DAPK2: variants seen among roughly 807,000 people sequenced by gnomAD.
DAPK2 encodes death associated protein kinase 2, also known as death-associated protein kinase 2.
Under a neutral mutation model 44.1 loss-of-function variants are expected in DAPK2, and 35 were observed. The ratio of observed to expected loss-of-function variants is 0.79; its 90% confidence interval spans 0.61 to 1.05. The LOEUF (loss-of-function observed/expected upper bound fraction) is 1.05, where lower values mean the gene tolerates loss of function less well. Ranked by LOEUF, DAPK2 falls within the 50% of genes least tolerant of loss-of-function variation. The probability of loss-of-function intolerance (pLI) is 0.00; values close to 1 mark genes in which losing one functional copy is unlikely to be tolerated. For missense variants in DAPK2, 453 were observed against 483.2 expected (o/e 0.94, Z 0.59); for synonymous variants, 174 against 182.6 (o/e 0.95, Z 0.38).
At position 64,046,299 on chromosome 15, in the gene DAPK2, G is replaced by C. The variant is rs2080461425; in HGVS notation, c.-8C>G. 1.0e-6 allele frequency: 1 copy of C among 982,622 alleles called. No homozygotes were observed. The highest frequency in any genetic ancestry group is 1.8e-5 in the African/African-American group (1 of 56,782). 60.9% of individuals were successfully genotyped at this position (982,622 alleles called of 1,614,324 possible). On this transcript the variant is annotated splice_region_variant and 5_prime_UTR_variant, in exon 1 of 12. Coordinates refer to the DAPK2 transcript ENST00000457488. The surrounding 1 kb of genome is among the most constrained non-coding windows in gnomAD (Gnocchi z 5.3). ...AGCCCGCAGACGGGTGCTACTCACG[G>C]CGGGAGGCTGAGCTGCCGCGGTCGC...
At chr15:63,929,761 G>A (rs1329984456) in intron 5 of DAPK2, 184 bp from the exon 7 acceptor site, 2 of 731,404 alleles carry the variant, frequency 2.7e-6, no homozygotes, top group Non-Finnish European at 4.8e-6. Flanking sequence ...TGTGTTTGGA[G>A]TCATCGAGCT....
rs1360364789 is a variant in DAPK2, at chr15:63,931,935, T to C, written c.584-1480A>G. Reference sequence around the variant, plus strand: ...ATCCCAGCACTTTGGGAGGCCAAGGTAGGTGGATCACTTGATGTCAAGAGT... The same window carrying C: ...ATCCCAGCACTTTGGGAGGCCAAGGCAGGTGGATCACTTGATGTCAAGAGT... On this transcript the variant is annotated intron_variant, in intron 4 of 10. Transcript: ENST00000261891. Among the ~76,000 whole-genome samples the C allele has an allele frequency of 2.6e-5, 4 of 151,790 alleles. No homozygotes were observed. The East Asian group carries it at 7.7e-4, about 29-fold the overall frequency.
chr15:64,003,808 G>A (rs536971826), intron 1 of DAPK2, among the ~76,000 whole-genome samples: 10 of 152,292 alleles, frequency 6.6e-5, no homozygotes, highest in Admixed American at 5.2e-4. Context: ...GTTTCACCAC[G>A]TTGGTCAGGC....
chr15:64,040,853 G>A (rs927641402), upstream of DAPK2, among the ~76,000 whole-genome samples: 2 of 142,662 alleles, frequency 1.4e-5, no homozygotes, highest in Non-Finnish European at 3.0e-5. Flanking sequence ...GGCAGAGGCT[G>A]CAGTGAACCA....
intron 1 of DAPK2, among the ~76,000 whole-genome samples, chr15:64,036,871 G>T (rs1408995703): frequency 2.6e-5 from 4 of 152,034 alleles, no homozygotes; most frequent in African/African-American, 9.7e-5. Flanking sequence ...GAGGCAGAAG[G>T]TGGGGCCTTG....
chr15:63,941,586 C>A (rs999565583), intron 3 of DAPK2, among the ~76,000 whole-genome samples: 2 of 152,164 alleles, frequency 1.3e-5, no homozygotes, highest in African/African-American at 4.8e-5. Context: ...CTGGAAACTT[C>A]CACTCAAGGG....
rs528709350 is a variant in DAPK2, at chr15:63,923,568, C to A, written c.858+1248G>T. Among the ~76,000 whole-genome samples, 2 of 152,150 alleles carry A rather than the reference C, an allele frequency of 1.3e-5. No individual in the cohort carries two copies. The highest frequency in any genetic ancestry group is 2.9e-5 in the Non-Finnish European group (2 of 68,024). On this transcript the variant is annotated intron_variant, in intron 8 of 10. Transcript: ENST00000261891. The surrounding 1 kb of genome is among the most constrained non-coding windows in gnomAD (Gnocchi z 4.2). ...TCATTCAGGGCAGAAGGGTCCACAG[C>A]CATTAGAGAGAGCTCCACACACATA...
At chr15:63,996,173 C>G (rs1414509638) in intron 1 of DAPK2, among the ~76,000 whole-genome samples, 5 of 152,170 alleles carry the variant, frequency 3.3e-5, no homozygotes, top group African/African-American at 1.2e-4. Context: ...GTGGCTCACA[C>G]CTATAATGCC....
intron 1 of DAPK2, among the ~76,000 whole-genome samples, chr15:63,998,287 C>G (rs567149101): frequency 2.3e-4 from 35 of 152,314 alleles, no homozygotes; most frequent in Admixed American, 4.6e-4. Context: ...GCCCACAGAG[C>G]AGTCATGGGC....
chr15:63,937,081 G>C (rs2077179951), intron 4 of DAPK2, among the ~76,000 whole-genome samples: 1 of 151,870 alleles, frequency 6.6e-6, no homozygotes, highest in African/African-American at 2.4e-5. Flanking sequence ...TTTAACCCTG[G>C]GTCTGAGGTT....
chr15:63,992,236 A>G (rs1430657085), intron 1 of DAPK2, among the ~76,000 whole-genome samples: 1 of 152,206 alleles, frequency 6.6e-6, no homozygotes, highest in East Asian at 1.9e-4. Context: ...ATTTTCACTG[A>G]AAATATAGCT....
chr15:63,948,303 T>G (rs899551396), intron 3 of DAPK2, among the ~76,000 whole-genome samples: 31 of 84,862 alleles, frequency 3.7e-4, no homozygotes, highest in African/African-American at 1.0e-3. Context: ...AAAAAAAGAT[T>G]TAACTGGTTC....
intron 2 of DAPK2, among the ~76,000 whole-genome samples, chr15:63,976,404 C>T (rs149988981): frequency 1.6e-4 from 24 of 152,194 alleles, no homozygotes; most frequent in Admixed American, 2.6e-4. Context: ...TCACTTTAAC[C>T]GTTGCATTGC....
rs1036934587 is a variant in DAPK2 at position 64,016,095 on chromosome 15, G to A, written c.92+24075C>T. Among the ~76,000 whole-genome samples, 7 of 152,220 alleles carry A rather than the reference G, an allele frequency of 4.6e-5. No individual in the cohort carries two copies. In the East Asian group the frequency reaches 9.6e-4, roughly 21 times the overall value. On this transcript the variant is annotated intron_variant, in intron 1 of 10. Transcript: ENST00000261891. ...CTCTTCAGGGCCCACGCAGCGCAGG[G>A]AGGGCTGGCTCCAGGGGACTGCAGG... is the stretch of plus-strand genomic sequence containing the variant.
At chr15:63,943,766 C>T (rs1484208096) in intron 3 of DAPK2, among the ~76,000 whole-genome samples, 1 of 152,126 alleles carries the variant, frequency 6.6e-6, no homozygotes, top group Admixed American at 6.5e-5. Flanking sequence ...GTTGCCACTA[C>T]TCAGGAGGCT....
At chr15:63,995,527 C>A (rs528039091) in intron 1 of DAPK2, among the ~76,000 whole-genome samples, 5 of 152,172 alleles carry the variant, frequency 3.3e-5, no homozygotes, top group Non-Finnish European at 5.9e-5. Flanking sequence ...CTTCAATCAC[C>A]CAACTGCTGT....
chr15:64,000,377 C>G (rs1567264593), intron 1 of DAPK2, among the ~76,000 whole-genome samples: 1 of 152,164 alleles, frequency 6.6e-6, no homozygotes, highest in Non-Finnish European at 1.5e-5. Context: ...CATACCTGGA[C>G]TTTGTCCCCA....
intron 8 of DAPK2, 154 bp downstream of exon 9, chr15:63,924,662 C>G: frequency 1.4e-6 from 1 of 734,018 alleles, no homozygotes; most frequent in Non-Finnish European, 2.3e-6. Context: ...TAAGCCCAGG[C>G]CCTCTGGGGC....
chr15:63,945,671 C>T (rs2077430329), intron 3 of DAPK2, among the ~76,000 whole-genome samples: 1 of 152,184 alleles, frequency 6.6e-6, no homozygotes, highest in South Asian at 2.1e-4. Flanking sequence ...TCCAGCTCCA[C>T]CACCCAAGGC....
Sources: gnomAD v4.1 joint callset for allele counts (sites outside exome capture counted in the v4.1 genomes callset) on GRCh38, gnomAD v4.1.1 for gene constraint, Gnocchi (gnomAD v3.1) non-coding constraint, MANE v1.5 for transcripts, NCBI Gene and HGNC (gene_info 2026-07-23, HGNC 2026-07-21) for gene names.